The following THOC2 variants were observed in gnomAD, a reference collection of about 807,000 sequenced individuals.
THOC2 encodes the protein THO complex subunit 2, also known as THO complex 2.
Under a neutral mutation model 128.4 loss-of-function variants are expected in THOC2, and 10 were observed. That is an observed-to-expected ratio of 0.08 (90% confidence interval 0.05 to 0.13). The LOEUF (loss-of-function observed/expected upper bound fraction) is 0.13. Among genes scored for constraint, THOC2 ranks in the 10% least tolerant of loss-of-function variants. THOC2 has a pLI of 1.00. For missense variants in THOC2, 535 were observed against 1,155.7 expected, an observed-to-expected ratio of 0.46 and a Z score of 7.79; for synonymous variants, 393 against 396.9, an observed-to-expected ratio of 0.99 and a Z score of 0.12.
intron 8 of THOC2, among the ~76,000 whole-genome samples, chrX:123,682,676 G>GT (rs2049834534): frequency 9.0e-6 from 1 of 111,565 alleles, no homozygotes; most frequent in Non-Finnish European, 1.9e-5. Context: ...CTCATTAATT[G>GT]TTTTCTAACA....
intron 33 of THOC2, among the ~76,000 whole-genome samples, chrX:123,614,757 A>G (rs2046826842): frequency 9.0e-6 from 1 of 111,730 alleles, no homozygotes; most frequent in Non-Finnish European, 1.9e-5. Flanking sequence ...CATGTTCTCT[A>G]CTTCTGAAAG....
chrX:123,708,672 G>C (rs1472711394), intron 2 of THOC2, among the ~76,000 whole-genome samples: 1 of 111,827 alleles, frequency 8.9e-6, no homozygotes, highest in Non-Finnish European at 1.9e-5. Flanking sequence ...GGGTCATTTT[G>C]CTGAAACTAA....
At chrX:123,645,949 CAAAAAAAA>C (rs34625161) in intron 12 of THOC2, among the ~76,000 whole-genome samples, 16 of 91,024 alleles carry the variant, frequency 1.8e-4, no homozygotes, top group African/African-American at 6.3e-4. Context: ...ACAACAAGAG[CAAAAAAAA>C]AAAAAAATTG....
At chrX:123,609,081 T>A (rs1378935691) in intron 38 of THOC2, among the ~76,000 whole-genome samples, 1 of 112,157 alleles carries the variant, frequency 8.9e-6, no homozygotes, top group Admixed American at 9.4e-5. Context: ...ATAAAATCAC[T>A]GTGAAAGTTG....
chrX:123,663,494 T>C (rs1603284916), intron 12 of THOC2, among the ~76,000 whole-genome samples: 1 of 107,835 alleles, frequency 9.3e-6, no homozygotes, highest in Non-Finnish European at 1.9e-5. Context: ...CATAAAATTG[T>C]AGAAGTTTAC....
intron 33 of THOC2, among the ~76,000 whole-genome samples, chrX:123,615,644 CA>C (rs55742104): frequency 4.4e-4 from 42 of 95,891 alleles, no homozygotes; most frequent in African/African-American, 6.6e-4. Context: ...CCAATAAAAG[CA>C]AAAAAAAAAA....
At chrX:123,630,538 G>A (rs1210541983) in intron 22 of THOC2, among the ~76,000 whole-genome samples, 4 of 104,837 alleles carry the variant, frequency 3.8e-5, no homozygotes, top group South Asian at 9.1e-4. Flanking sequence ...GCTTGAACCC[G>A]GGAGGTGGAA....
At chrX:123,625,780 G>C in intron 25 of THOC2, 132 bp downstream of exon 25, 1 of 654,936 alleles carries the variant, frequency 1.5e-6, no homozygotes, top group Non-Finnish European at 2.4e-6. Context: ...AAGTAGTAGA[G>C]CTAGGATTCA....
chrX:123,717,691 A>AT (rs1406703005), intron 1 of THOC2, among the ~76,000 whole-genome samples: 3 of 19,576 alleles, frequency 1.5e-4, no homozygotes, highest in African/African-American at 6.8e-4. Context: ...TTTATATGGA[A>AT]CCAAAAAAAA....
intron 1 of THOC2, among the ~76,000 whole-genome samples, chrX:123,728,192 G>A (rs1391087705): frequency 9.1e-6 from 1 of 110,095 alleles, no homozygotes; most frequent in African/African-American, 3.3e-5. Flanking sequence ...GGACAACACA[G>A]TTTTATCTTG....
chrX:123,712,227 A>G (rs561587079), intron 2 of THOC2, among the ~76,000 whole-genome samples: 7 of 111,502 alleles, frequency 6.3e-5, no homozygotes, highest in African/African-American at 1.9e-4. Context: ...ACTAGACACA[A>G]TCACTTTTAG....
intron 2 of THOC2, among the ~76,000 whole-genome samples, chrX:123,708,652 C>A (rs1243627441): frequency 8.9e-6 from 1 of 111,759 alleles, no homozygotes; most frequent in Non-Finnish European, 1.9e-5. Context: ...AAATAGAGAA[C>A]AAGTGACCTG....
intron 12 of THOC2, among the ~76,000 whole-genome samples, chrX:123,662,002 C>CA (rs960161241): frequency 3.6e-5 from 4 of 110,735 alleles, no homozygotes; most frequent in Non-Finnish European, 5.7e-5. Flanking sequence ...CAAAAACAAA[C>CA]AAAAAAAATC....
intron 22 of THOC2, among the ~76,000 whole-genome samples, chrX:123,630,122 T>C (rs771645948): frequency 8.9e-6 from 1 of 112,045 alleles, no homozygotes; most frequent in African/African-American, 3.3e-5. Context: ...AAGAAGGCTA[T>C]ACTTCGTATT....
intron 1 of THOC2, among the ~76,000 whole-genome samples, chrX:123,719,191 AAAG>A (rs1275543993): frequency 6.4e-5 from 7 of 109,777 alleles, no homozygotes; most frequent in African/African-American, 2.3e-4. Context: ...AAAAAAAAAA[AAAG>A]AAGTCAAGAA....
chrX:123,630,822 CAAGA>C (rs2047453240), intron 22 of THOC2, among the ~76,000 whole-genome samples: 2 of 110,943 alleles, frequency 1.8e-5, no homozygotes, highest in Non-Finnish European at 3.8e-5. Flanking sequence ...AGCACAACCA[CAAGA>C]TTGCTGGGAA....
Position 123,660,172 on chromosome X carries a change from TGGCACAACTAG to T in THOC2, c.1386+5459_1386+5469del, listed in dbSNP as rs747588164. The stretch of plus-strand genomic sequence containing the variant: ...ATAGACTGGAGTTAACGCAGGAACC[TGGCACAACTAG>T]GGCAGAACGGGTGTACAGGATGAAT... On this transcript the variant is annotated intron_variant, in intron 12 of 38. Coordinates refer to ENST00000245838, the MANE Select transcript of THOC2 (RefSeq NM_001081550.2). Among the ~76,000 whole-genome samples, 7 of 111,705 alleles carry T rather than the reference TGGCACAACTAG, an allele frequency of 6.3e-5. No homozygotes were observed. In the South Asian group the frequency reaches 2.7e-3, roughly 42 times the overall value.
At chrX:123,691,253 T>C (rs2050212244) in intron 7 of THOC2, among the ~76,000 whole-genome samples, 1 of 111,402 alleles carries the variant, frequency 9.0e-6, no homozygotes, top group African/African-American at 3.3e-5. Context: ...AAAACCCCTA[T>C]AGTTGGAAAC....
intron 12 of THOC2, among the ~76,000 whole-genome samples, chrX:123,651,732 C>G (rs185654652): frequency 1.7e-4 from 18 of 106,995 alleles, no homozygotes; most frequent in African/African-American, 4.8e-4. Context: ...TACGCCCCCC[C>G]CCCAAGACTA....
Sources: gnomAD v4.1 joint callset for allele counts (sites outside exome capture counted in the v4.1 genomes callset) on GRCh38, gnomAD v4.1.1 for gene constraint, MANE v1.5 for transcripts, NCBI Gene and HGNC (gene_info 2026-07-23, HGNC 2026-07-21) for gene names.